Variants in PRIM2 observed in about 807,000 individuals in gnomAD.
PRIM2 encodes the protein DNA primase subunit 2.
In PRIM2, 39 loss-of-function variants were observed where a neutral mutation model predicts 67.3. The ratio of observed to expected loss-of-function variants is 0.58; its 90% CI spans 0.45 to 0.76. The LOEUF (loss-of-function observed/expected upper bound fraction) is 0.76. Among genes scored for constraint, PRIM2 ranks in the 30% least tolerant of loss-of-function variants. The probability of loss-of-function intolerance (pLI) is 0.00; values close to 1 mark genes in which losing one functional copy is unlikely to be tolerated. For missense variants in PRIM2, 398 were observed against 598.7 expected, an observed-to-expected ratio of 0.66 and a Z score of 3.50; for synonymous variants, 143 against 198.7, an observed-to-expected ratio of 0.72 and a Z score of 2.36.
chr6:57,327,528 T>C (rs904810164), intron 5 of PRIM2, among the ~76,000 whole-genome samples: 7 of 152,198 alleles, frequency 4.6e-5, no homozygotes, highest in Non-Finnish European at 7.3e-5. Flanking sequence ...GCAGTTTCTA[T>C]AGTTTCTTTC....
At chr6:57,347,625 A>G (rs1314285813) in intron 5 of PRIM2, among the ~76,000 whole-genome samples, 4 of 152,030 alleles carry the variant, frequency 2.6e-5, no homozygotes, top group Admixed American at 6.6e-5. Context: ...TTTTTCTTTT[A>G]TAGAAATAAG....
chr6:57,501,140 C>T (rs1309426258), intron 7 of PRIM2, among the ~76,000 whole-genome samples: 20 of 152,198 alleles, frequency 1.3e-4, no homozygotes, highest in African/African-American at 4.6e-4. Context: ...CTTTTCCATC[C>T]TGATCAAGTT....
intron 7 of PRIM2, among the ~76,000 whole-genome samples, chr6:57,491,079 T>C (rs1773877983): frequency 6.6e-6 from 1 of 152,186 alleles, no homozygotes; most frequent in Non-Finnish European, 1.5e-5. Flanking sequence ...AGACTTCACA[T>C]TCAAAGGGCT....
At chr6:57,569,185 A>G (rs1775812667) in intron 10 of PRIM2, among the ~76,000 whole-genome samples, 1 of 152,038 alleles carries the variant, frequency 6.6e-6, no homozygotes, top group East Asian at 1.9e-4. Context: ...AATAATCTCT[A>G]TTTTTTGTGG....
the PRIM2 span, among the ~76,000 whole-genome samples, chr6:57,283,031 A>T: frequency 3.3e-5 from 5 of 149,328 alleles, no homozygotes; most frequent in Middle Eastern, 3.4e-3. Context: ...TGCTTTTTTT[A>T]AAAAAATTAC....
In PRIM2 at chr6:57,551,469, C is replaced by T. The variant is rs1338007004; in HGVS notation, c.1020+13844C>T. On this transcript the variant is annotated intron_variant, in intron 10 of 13. Coordinates refer to ENST00000615550, the MANE Select transcript of PRIM2 (RefSeq NM_000947.5). ...GGTAAGGATGATATTGATTAGGCACCCTAAGAAGTAGATTGCTTTTCGACT... is the reference window on the plus strand; with the variant it reads ...GGTAAGGATGATATTGATTAGGCACTCTAAGAAGTAGATTGCTTTTCGACT... Among the ~76,000 whole-genome samples the T allele has an allele frequency of 5.9e-5, 9 of 152,168 alleles. No homozygotes were observed. In the East Asian group the frequency reaches 1.7e-3, roughly 29 times the overall value.
intron 10 of PRIM2, among the ~76,000 whole-genome samples, chr6:57,568,277 A>G (rs1483534915): frequency 6.6e-6 from 1 of 152,204 alleles, no homozygotes; most frequent in Non-Finnish European, 1.5e-5. Flanking sequence ...GTCATTTATT[A>G]TGTCACCCAA....
At position 57,367,457 on chromosome 6, in the gene PRIM2, T is replaced by A. The variant is rs545465220; in HGVS notation, c.460-12444T>A. Among the ~76,000 whole-genome samples, 8 of 152,326 alleles carry A rather than the reference T, an allele frequency of 5.3e-5. No homozygotes were observed. In the East Asian group the frequency reaches 1.3e-3, roughly 26 times the overall value. ...GATAAATATTTGGGTTATTTATCAC[T>A]GTGTCAGAAATACCTCCAAACCTAA... On this transcript the variant is annotated intron_variant, in intron 5 of 13. Transcript: ENST00000615550.
At chr6:57,621,943 GT>G (rs1296296450) in intron 12 of PRIM2, among the ~76,000 whole-genome samples, 4 of 149,226 alleles carry the variant, frequency 2.7e-5, no homozygotes, top group South Asian at 2.1e-4. Flanking sequence ...TTGGTTGACA[GT>G]TTTTTTTTTC....
At chr6:57,398,900 G>C (rs1770612940) in intron 7 of PRIM2, among the ~76,000 whole-genome samples, 1 of 152,000 alleles carries the variant, frequency 6.6e-6, no homozygotes, top group African/African-American at 2.4e-5. Context: ...GTTATGAAAT[G>C]CCCTTTTTTG....
chr6:57,391,391 C>A (rs1770339879), intron 7 of PRIM2, among the ~76,000 whole-genome samples: 2 of 150,994 alleles, frequency 1.3e-5, no homozygotes, highest in Non-Finnish European at 1.5e-5. Context: ...TTAGTTAGAT[C>A]CCATTTGCCA....
intron 7 of PRIM2, among the ~76,000 whole-genome samples, chr6:57,437,200 C>A (rs1255672282): frequency 6.6e-6 from 1 of 152,170 alleles, no homozygotes; most frequent in Non-Finnish European, 1.5e-5. Flanking sequence ...GTCACTGTTA[C>A]AAGAGCAGCG....
the PRIM2 span, among the ~76,000 whole-genome samples, chr6:57,252,106 T>C: frequency 3.9e-5 from 6 of 152,258 alleles, no homozygotes; most frequent in African/African-American, 1.2e-4. Flanking sequence ...ATGCTGACTG[T>C]ATTCCTTCCT....
the PRIM2 span, among the ~76,000 whole-genome samples, chr6:57,279,986 G>A: frequency 6.6e-6 from 1 of 152,118 alleles, no homozygotes; most frequent in East Asian, 1.9e-4. Context: ...TCATAATAAT[G>A]AGAAGGGAAG....
chr6:57,643,260 G>T (rs1198560566), intron 13 of PRIM2, among the ~76,000 whole-genome samples: 25 of 152,154 alleles, frequency 1.6e-4, no homozygotes, highest in African/African-American at 5.8e-4. Flanking sequence ...GCATGAAATA[G>T]TACAACTATG....
At chr6:57,293,128 TAAAC>T in the PRIM2 span, among the ~76,000 whole-genome samples, 9 of 152,026 alleles carry the variant, frequency 5.9e-5, no homozygotes, top group Non-Finnish European at 1.0e-4. Context: ...ACAAAGAACT[TAAAC>T]AAATTTACAA....
chr6:57,579,663 T>G (rs1776043057), intron 10 of PRIM2, among the ~76,000 whole-genome samples: 1 of 152,206 alleles, frequency 6.6e-6, no homozygotes, highest in Admixed American at 6.5e-5. Flanking sequence ...GTTGATTAAT[T>G]TTGACATTGA....
At chr6:57,507,348 G>A (rs1554347294) in intron 7 of PRIM2, 39 bp from the exon 8 acceptor site, 3 of 1,394,100 alleles carry the variant, frequency 2.2e-6, no homozygotes, top group Non-Finnish European at 2.9e-6. Flanking sequence ...TCGGTGTTCG[G>A]CCTTTGCTGT....
At chr6:57,237,972 T>A in the PRIM2 span, among the ~76,000 whole-genome samples, 10 of 152,146 alleles carry the variant, frequency 6.6e-5, no homozygotes, top group African/African-American at 2.4e-4. Flanking sequence ...AAGAAGGCCA[T>A]TACATAATGG....
Sources: gnomAD v4.1 joint callset for allele counts (sites outside exome capture counted in the v4.1 genomes callset) on GRCh38, gnomAD v4.1.1 for gene constraint, MANE v1.5 for transcripts, NCBI Gene and HGNC (gene_info 2026-07-23, HGNC 2026-07-21) for gene names.